The following C2CD3 variants were observed in gnomAD, a reference collection of about 807,000 sequenced individuals.
C2CD3 encodes C2 domain-containing protein 3.
In C2CD3, 148 loss-of-function variants were observed where a neutral mutation model predicts 234.0. That is an observed-to-expected ratio of 0.63 (90% CI 0.55 to 0.72). C2CD3 has a LOEUF of 0.72. Among genes scored for constraint, C2CD3 ranks in the 30% least tolerant of loss-of-function variants. The pLI, the probability that C2CD3 is intolerant of heterozygous loss-of-function variation, is 0.00. For synonymous variants in C2CD3, 1,000 were observed against 1,035.4 expected (o/e 0.97, Z 0.66); for missense variants, 2,577 against 2,811.5 (o/e 0.92, Z 1.89).
At position 74,033,927 on chromosome 11, in the gene C2CD3, G is replaced by A; in HGVS notation, c.6233C>T (p.Thr2078Ile). The change falls in exon 31 of 33, where the codon ACC becomes ATC. Residue 2078 changes from threonine to isoleucine, a missense_variant. Physicochemically the swap from Thr to Ile is moderately conservative, Grantham distance 89. Transcript: ENST00000334126. ...AGGGCTAGTTTTGTCTGTCACCGTG[G>A]TGATCTCATTTAAGGTCCTGGGCTC... The part of the protein sequence containing the change: ...IIEPRTLNEI[T>I]TVTDKTSPWS... 1 of 1,536,258 alleles carries A rather than the reference G, an allele frequency of 6.5e-7. No individual in the cohort carries two copies. Among genetic ancestry groups the A allele is most frequent in the Non-Finnish European group, 8.7e-7 (1 of 1,146,946 alleles).
At chr11:74,072,476 A>C (rs1410423722) in intron 24 of C2CD3, among the ~76,000 whole-genome samples, 6 of 152,250 alleles carry the variant, frequency 3.9e-5, no homozygotes, top group Admixed American at 1.3e-4. Context: ...AATCTGAATC[A>C]AATGATGTAT....
At chr11:74,034,505 A>G (rs1463392694) in intron 30 of C2CD3, 1 of 1,600,024 alleles carries the variant, frequency 6.2e-7, no homozygotes, top group Non-Finnish European at 8.5e-7. Context: ...TTGTGGATAC[A>G]TCTGTGGAAA....
rs146681488 is a variant in C2CD3 at position 74,092,345 on chromosome 11, G to A, written c.3517+71C>T. ...GCTGGGATTAGAGGTGTGAACCACC[G>A]CACCCGGCTATTTTATATATTTTTA... On this transcript the variant is annotated intron_variant, in intron 19 of 32. Coordinates refer to ENST00000334126, the MANE Select transcript of C2CD3 (RefSeq NM_001286577.2). 1.8e-4 allele frequency: 261 copies of A among 1,412,848 alleles called. 1 individual carries two copies. Among genetic ancestry groups the A allele is most frequent in the East Asian group, 1.6e-3 (70 of 42,822 alleles). 87.5% of individuals were successfully genotyped at this position (1,412,848 alleles called of 1,614,324 possible).
chr11:74,158,073 T>C (rs552993142), intron 3 of C2CD3, among the ~76,000 whole-genome samples: 4 of 152,328 alleles, frequency 2.6e-5, no homozygotes, highest in African/African-American at 7.2e-5. Flanking sequence ...TCTAGGACTA[T>C]AAAACGACTA....
intron 22 of C2CD3, 90 bp downstream of exon 22, chr11:74,084,791 T>C (rs1955565438): frequency 1.3e-6 from 1 of 783,386 alleles, no homozygotes; most frequent in African/African-American, 1.7e-5. Context: ...TTCTTTTGAA[T>C]ATCTTACATG....
At position 74,059,091 on chromosome 11, in the gene C2CD3, G is replaced by A. The variant is rs185362123; in HGVS notation, c.4952-1547C>T. The stretch of plus-strand genomic sequence containing the variant: ...ATTACAGATGAAGGAAAAGAGATGA[G>A]CAGAGCAGAAAAGAATAGAAGAAGT... On this transcript the variant is annotated intron_variant, in intron 24 of 32. Transcript: ENST00000334126. Among the ~76,000 whole-genome samples, 12 of 152,258 alleles carry A rather than the reference G, an allele frequency of 7.9e-5. No individual in the cohort carries two copies. The East Asian group carries it at 2.3e-3, about 29-fold the overall frequency.
chr11:74,128,624 T>G (rs1957499503), intron 7 of C2CD3: 1 of 151,980 alleles, frequency 6.6e-6, no homozygotes, highest in African/African-American at 2.4e-5. Context: ...AGGACAATAG[T>G]GGAGGGAAGG....
intron 6 of C2CD3, 123 bp from the exon 7 acceptor site, chr11:74,133,095 C>A: frequency 1.1e-6 from 1 of 890,476 alleles, no homozygotes; most frequent in Non-Finnish European, 1.7e-6. Flanking sequence ...GACTTAACTG[C>A]CTTAAATAAA....
At chr11:74,094,041 C>A in intron 17 of C2CD3, 42 bp from the exon 18 acceptor site, 1 of 1,501,994 alleles carries the variant, frequency 6.7e-7, no homozygotes. Flanking sequence ...CAACATATGA[C>A]TTAGTGTTTT....
intron 11 of C2CD3, 115 bp from the exon 12 acceptor site, chr11:74,109,267 A>T (rs1255314688): frequency 1.6e-6 from 1 of 619,266 alleles, no homozygotes. Context: ...CTCCTGCAGA[A>T]ATCGAGTCAG....
intron 7 of C2CD3, among the ~76,000 whole-genome samples, chr11:74,132,512 C>T (rs1383742144): frequency 6.6e-6 from 1 of 152,176 alleles, no homozygotes; most frequent in African/African-American, 2.4e-5. Flanking sequence ...CTGCTTAAGG[C>T]CACAAAGCTA....
Position 74,113,908 on chromosome 11 carries a change from A to G in C2CD3, c.1731-16T>C. Reference sequence around the variant, plus strand: ...AAAGAAAGTGCTAAAAAGAAAAAAAAAGTGATTAAAAACTAACCAAACAAT... The same window carrying G: ...AAAGAAAGTGCTAAAAAGAAAAAAAGAGTGATTAAAAACTAACCAAACAAT... On this transcript the variant is annotated splice_polypyrimidine_tract_variant and intron_variant, in intron 10 of 32. Transcript: ENST00000334126. 7.0e-7 allele frequency: 1 copy of G among 1,436,376 alleles called. No homozygotes were observed. Among genetic ancestry groups the G allele is most frequent in the Non-Finnish European group, 9.6e-7 (1 of 1,044,896 alleles). 89.0% of individuals were successfully genotyped at this position (1,436,376 alleles called of 1,614,324 possible).
intron 3 of C2CD3, among the ~76,000 whole-genome samples, chr11:74,160,450 C>A (rs1856381368): frequency 6.6e-6 from 1 of 151,868 alleles, no homozygotes; most frequent in African/African-American, 2.4e-5. Flanking sequence ...ATGGATGAAC[C>A]TGGAGGACAT....
intron 31 of C2CD3, among the ~76,000 whole-genome samples, chr11:74,029,762 T>C (rs974946371): frequency 2.6e-5 from 4 of 152,200 alleles, no homozygotes; most frequent in African/African-American, 4.8e-5. Context: ...TTTTATTTTG[T>C]TATGTTTTTT....
chr11:74,121,824 G>A (rs1351751552), intron 8 of C2CD3, among the ~76,000 whole-genome samples: 5 of 152,100 alleles, frequency 3.3e-5, no homozygotes, highest in South Asian at 2.1e-4. Context: ...CAGTATCAGT[G>A]ATGACTGTGA....
At chr11:74,082,120 G>C (rs1157121566) in intron 22 of C2CD3, among the ~76,000 whole-genome samples, 2 of 140,898 alleles carry the variant, frequency 1.4e-5, no homozygotes, top group Non-Finnish European at 3.1e-5. Flanking sequence ...ACTGGCTGTG[G>C]ATATTTTTTT....
chr11:74,167,370 T>G (rs1305677651), intron 2 of C2CD3, among the ~76,000 whole-genome samples: 1 of 152,246 alleles, frequency 6.6e-6, no homozygotes, highest in Non-Finnish European at 1.5e-5. Flanking sequence ...TTTAACCTAC[T>G]ATTAATAACT....
At chr11:74,098,576 TGTGG>T in intron 15 of C2CD3, among the ~76,000 whole-genome samples, 1 of 152,302 alleles carries the variant, frequency 6.6e-6, no homozygotes, top group African/African-American at 2.4e-5. Flanking sequence ...AGGGAGGAAG[TGTGG>T]TCTACTAGGA....
chr11:74,098,285 A>G, intron 15 of C2CD3, 30 bp from the exon 16 acceptor site: 1 of 1,605,622 alleles, frequency 6.2e-7, no homozygotes, highest in Non-Finnish European at 8.5e-7. Context: ...GAATAAGCAA[A>G]TAACAAGCAT....
Sources: gnomAD v4.1 joint callset for allele counts (sites outside exome capture counted in the v4.1 genomes callset) on GRCh38, gnomAD v4.1.1 for gene constraint, MANE v1.5 for transcripts, NCBI Gene and HGNC (gene_info 2026-07-23, HGNC 2026-07-21) for gene names.